ADGRL2: variants seen among roughly 807,000 people sequenced by gnomAD.
The protein encoded by ADGRL2 is adhesion G protein-coupled receptor L2, also known as calcium-independent alpha-latrotoxin receptor 2.
Under a neutral mutation model 157.4 loss-of-function variants are expected in ADGRL2, and 44 were observed. The ratio of observed to expected loss-of-function variants is 0.28; its 90% confidence interval spans 0.22 to 0.36. ADGRL2 has a LOEUF of 0.36. Among genes scored for constraint, ADGRL2 ranks in the 10% least tolerant of loss-of-function variants. The pLI is 1.00. For synonymous variants in ADGRL2, 585 were observed against 624.7 expected, an observed-to-expected ratio of 0.94 and a Z score of 0.95; for missense variants, 1,510 against 1,768.9, an observed-to-expected ratio of 0.85 and a Z score of 2.63.
intron 2 of ADGRL2, among the ~76,000 whole-genome samples, chr1:81,532,949 T>C (rs949124246): frequency 4.1e-5 from 6 of 144,764 alleles, no homozygotes; most frequent in Admixed American, 2.8e-4. Flanking sequence ...AAATTCTATC[T>C]ATCTATCTAT....
intron 2 of ADGRL2, among the ~76,000 whole-genome samples, chr1:81,898,343 A>G (rs1394203864): frequency 6.6e-6 from 1 of 152,206 alleles, no homozygotes; most frequent in Non-Finnish European, 1.5e-5. Context: ...CTGGAAAATG[A>G]CATTGCATTC....
At chr1:81,940,004 C>T in intron 4 of ADGRL2, among the ~76,000 whole-genome samples, 1 of 150,888 alleles carries the variant, frequency 6.6e-6, no homozygotes, top group Admixed American at 6.6e-5. Context: ...ACTTATTTTC[C>T]TTCAATATGT....
intron 3 of ADGRL2, among the ~76,000 whole-genome samples, chr1:81,680,069 G>A (rs1005002545): frequency 1.3e-5 from 2 of 152,198 alleles, no homozygotes; most frequent in Non-Finnish European, 2.9e-5. Flanking sequence ...GGAAAATAGT[G>A]TAAAGTTACA....
chr1:81,428,093 C>T (rs1204432794), intron 1 of ADGRL2, among the ~76,000 whole-genome samples: 1 of 152,106 alleles, frequency 6.6e-6, no homozygotes, highest in Non-Finnish European at 1.5e-5. Context: ...TTGTTAATTA[C>T]TATTTTGTAT....
At chr1:81,968,325 A>G in intron 14 of ADGRL2, 126 bp downstream of exon 14, 1 of 787,238 alleles carries the variant, frequency 1.3e-6, no homozygotes, top group South Asian at 1.7e-5. Flanking sequence ...GTTGATTTCT[A>G]ATTGTTTCTA....
At chr1:81,905,986 G>GTGTGTA (rs1553185462) in intron 2 of ADGRL2, among the ~76,000 whole-genome samples, 1 of 147,052 alleles carries the variant, frequency 6.8e-6, no homozygotes, top group Non-Finnish European at 1.5e-5. Flanking sequence ...GTGTGTGTGT[G>GTGTGTA]TACATATAAA....
chr1:81,922,610 A>G (rs1340820168), intron 3 of ADGRL2, among the ~76,000 whole-genome samples: 1 of 152,132 alleles, frequency 6.6e-6, no homozygotes, highest in Non-Finnish European at 1.5e-5. Context: ...CAGATGTGGC[A>G]TATTTATGGT....
chr1:81,950,583 G>C (rs1397439406), intron 7 of ADGRL2, 101 bp downstream of exon 7: 2 of 1,125,434 alleles, frequency 1.8e-6, no homozygotes, highest in African/African-American at 3.2e-5. Context: ...GTTTACAGTA[G>C]CTAACTTTAT....
At chr1:81,371,952 A>G (rs2076167767) in intron 1 of ADGRL2, among the ~76,000 whole-genome samples, 1 of 152,220 alleles carries the variant, frequency 6.6e-6, no homozygotes, top group African/African-American at 2.4e-5. Flanking sequence ...AAGTGCTAAA[A>G]CACAGGTCTG....
chr1:81,564,251 G>T (rs2080509077), intron 2 of ADGRL2, among the ~76,000 whole-genome samples: 1 of 152,204 alleles, frequency 6.6e-6, no homozygotes, highest in South Asian at 2.1e-4. Flanking sequence ...ATTACCCCCA[G>T]AACTTAACAG....
In ADGRL2 at chr1:81,504,308, T is replaced by C. The variant is rs192752815; in HGVS notation, c.-248+59219T>C. The stretch of plus-strand genomic sequence containing the variant: ...CCCTCCCCAGTCCTCCCCAGCCTTC[T>C]TCAGCCTTCTTCAGCCTTCTTCAGC... On this transcript the variant is annotated intron_variant, in intron 2 of 24. Coordinates refer to the ADGRL2 transcript ENST00000370721. 2.6e-5 allele frequency among the ~76,000 whole-genome samples: 4 copies of C among 151,784 alleles called. No individual in the cohort carries two copies. In the East Asian group the frequency reaches 7.8e-4, roughly 29 times the overall value.
At position 81,711,759 on chromosome 1, in the gene ADGRL2, A is replaced by G. The variant is rs116753919; in HGVS notation, c.-143+11951A>G. On this transcript the variant is annotated intron_variant, in intron 1 of 20. Transcript: ENST00000359929. ...GTCAACAGAGTGAAAAAGGCAAATA[A>G]TGTCTTAATATGATTTTGAAAATAG... is the stretch of plus-strand genomic sequence containing the variant. 4.0e-3 allele frequency among the ~76,000 whole-genome samples: 606 copies of G among 152,300 alleles called. 2 individuals carry two copies. The highest frequency in any genetic ancestry group is 0.014 in the African/African-American group (571 of 41,562).
chr1:81,888,383 G>C (rs1173758708), intron 2 of ADGRL2, among the ~76,000 whole-genome samples: 1 of 152,096 alleles, frequency 6.6e-6, no homozygotes, highest in Non-Finnish European at 1.5e-5. Flanking sequence ...AATGAGTCCG[G>C]CATATAGGAA....
intron 1 of ADGRL2, among the ~76,000 whole-genome samples, chr1:81,713,810 G>T (rs2084016781): frequency 6.6e-6 from 1 of 152,172 alleles, no homozygotes; most frequent in Non-Finnish European, 1.5e-5. Flanking sequence ...AAAAGCCCTA[G>T]ATCATTCCAT....
intron 3 of ADGRL2, among the ~76,000 whole-genome samples, chr1:81,652,864 T>C (rs1040820201): frequency 9.2e-5 from 14 of 152,174 alleles, no homozygotes; most frequent in African/African-American, 2.9e-4. Flanking sequence ...TAATATGGCT[T>C]AGTTTTGCCA....
At chr1:81,508,001 A>T (rs2079009730) in intron 2 of ADGRL2, among the ~76,000 whole-genome samples, 1 of 152,132 alleles carries the variant, frequency 6.6e-6, no homozygotes, top group Non-Finnish European at 1.5e-5. Context: ...CCTTCTCTTG[A>T]CTTTATTTTG....
intron 2 of ADGRL2, among the ~76,000 whole-genome samples, chr1:81,856,865 G>A (rs2150661184): frequency 6.6e-6 from 1 of 152,020 alleles, no homozygotes; most frequent in East Asian, 1.9e-4. Context: ...TTAATGTGAG[G>A]CTTGCTTTGA....
At chr1:81,712,755 ATT>A (rs60265943) in intron 1 of ADGRL2, among the ~76,000 whole-genome samples, 7,804 of 99,834 alleles carry the variant, frequency 0.078, 213 homozygotes, top group Admixed American at 0.088. Flanking sequence ...TGGATCGCGG[ATT>A]TTTTTTTTTT....
intron 1 of ADGRL2, among the ~76,000 whole-genome samples, chr1:81,759,679 C>A (rs1021305176): frequency 6.6e-6 from 1 of 152,116 alleles, no homozygotes; most frequent in Non-Finnish European, 1.5e-5. Context: ...GCTTTTCCTT[C>A]TCATTAAAAC....
Sources: gnomAD v4.1 joint callset for allele counts (sites outside exome capture counted in the v4.1 genomes callset) on GRCh38, gnomAD v4.1.1 for gene constraint, MANE v1.5 for transcripts, NCBI Gene and HGNC (gene_info 2026-07-23, HGNC 2026-07-21) for gene names.